The following RNF144B variants were observed in gnomAD, a reference collection of about 807,000 sequenced individuals.
RNF144B encodes the protein E3 ubiquitin-protein ligase RNF144B.
A neutral mutation model predicts 40.2 loss-of-function variants in RNF144B; 25 were observed. That is an observed-to-expected ratio of 0.62 (90% confidence interval 0.45 to 0.87). RNF144B has a LOEUF of 0.87. Ranked by LOEUF, RNF144B falls within the 40% of genes least tolerant of loss-of-function variation. The pLI is 0.00. For synonymous variants in RNF144B, 145 were observed against 136.3 expected (o/e 1.06, Z -0.44); for missense variants, 365 against 373.7 (o/e 0.98, Z 0.19).
rs1008413184 is a variant in RNF144B, at chr6:18,442,165, C to CT, written c.331+2425dup. Among the ~76,000 whole-genome samples the CT allele has an allele frequency of 1.1e-4, 17 of 152,296 alleles. No homozygotes were observed. Among genetic ancestry groups the CT allele is most frequent in the African/African-American group, 4.1e-4 (17 of 41,552 alleles). On this transcript the variant is annotated intron_variant, in intron 4 of 7. Coordinates refer to ENST00000259939, the MANE Select transcript of RNF144B (RefSeq NM_182757.4). This position sits in a 1 kb window ranked among gnomAD's most constrained non-coding sequence, Gnocchi z 4.3. ...CCCCAGATAGTGGTTGGCTTTTTGA[C>CT]TTTTCAGTAGTATTCAAACCTGCTT...
Position 18,463,333 on chromosome 6 carries a change from A to C in RNF144B, c.724A>C (p.Asn242His). The C allele has an allele frequency of 6.2e-7, 1 of 1,611,726 alleles. No homozygotes were observed. Among genetic ancestry groups the C allele is most frequent in the Non-Finnish European group, 8.5e-7 (1 of 1,177,772 alleles). The part of the protein sequence containing the change: ...LRHYDKGPCR[N>H]KLGHSRASVM... ...ACATTATGACAAAGGGCCATGCAGGAATAAACTTGGCCACTCAAGAGCATC... is the reference window on the plus strand; with the variant it reads ...ACATTATGACAAAGGGCCATGCAGGCATAAACTTGGCCACTCAAGAGCATC... Residue 242 changes from asparagine to histidine, a missense_variant, in exon 7 of 8, where the codon AAT (asparagine) becomes CAT (histidine). By Grantham distance (68) the Asn-to-His change is moderately conservative (BLOSUM62 1). Transcript: ENST00000259939.
chr6:18,449,712 T>TATATATATATATAC (rs1483972398), intron 4 of RNF144B, among the ~76,000 whole-genome samples: 3 of 151,794 alleles, frequency 2.0e-5, no homozygotes, highest in Admixed American at 2.0e-4. Flanking sequence ...TATATATATA[T>TATATATATATATAC]ACATTGTGGA....
intron 3 of RNF144B, among the ~76,000 whole-genome samples, chr6:18,433,462 A>G (rs986478469): frequency 5.9e-5 from 9 of 152,242 alleles, no homozygotes; most frequent in African/African-American, 2.2e-4. Flanking sequence ...GTTTCTAAGA[A>G]AATTCTTTAA....
intron 1 of RNF144B, 33 bp downstream of exon 1, chr6:18,387,663 C>G (rs1348664898): frequency 7.8e-7 from 1 of 1,286,832 alleles, no homozygotes; most frequent in Non-Finnish European, 1.0e-6. Context: ...AGGCTACAGG[C>G]GTTGCAAGAC....
chr6:18,388,698 A>C (rs971506571), intron 1 of RNF144B, among the ~76,000 whole-genome samples: 1 of 152,130 alleles, frequency 6.6e-6, no homozygotes, highest in Admixed American at 6.6e-5. Context: ...TGAGGGGGAG[A>C]AAAACCTATA....
At chr6:18,432,302 A>G (rs1442914318) in intron 3 of RNF144B, among the ~76,000 whole-genome samples, 1 of 152,160 alleles carries the variant, frequency 6.6e-6, no homozygotes, top group Admixed American at 6.5e-5. Flanking sequence ...CTTGTATAGG[A>G]AATGGTAGAA....
intron 2 of RNF144B, among the ~76,000 whole-genome samples, chr6:18,420,739 A>C (rs1421775059): frequency 6.6e-6 from 1 of 152,084 alleles, no homozygotes; most frequent in Non-Finnish European, 1.5e-5. Context: ...GCTATTGAGA[A>C]TCAGTCCATT....
Position 18,434,597 on chromosome 6 carries a change from C to T in RNF144B, c.271-5087C>T, listed in dbSNP as rs1756112027. ...GAAATGGAAAAGCAAAGACATTCAG[C>T]TGAGTAGGAACTGAGTGTTTTTGTT... is the stretch of plus-strand genomic sequence containing the variant. On this transcript the variant is annotated intron_variant, in intron 3 of 7. Transcript: ENST00000259939. The surrounding 1 kb of genome is among the most constrained non-coding windows in gnomAD (Gnocchi z 4.1). Among the ~76,000 whole-genome samples, 1 of 151,958 alleles carries T rather than the reference C, an allele frequency of 6.6e-6. No individual in the cohort carries two copies. Among genetic ancestry groups the T allele is most frequent in the African/African-American group, 2.4e-5 (1 of 41,368 alleles).
rs148933802 is a variant in RNF144B at position 18,443,365 on chromosome 6, C to A, written c.331+3621C>A. On this transcript the variant is annotated intron_variant, in intron 4 of 7. Transcript: ENST00000259939. This position sits in a 1 kb window ranked among gnomAD's most constrained non-coding sequence, Gnocchi z 4.7. ...GCAACTTCCGCCTCCTGGGTTCAAG[C>A]GATTCTCCTGCCTCAGCCTCCCGAG... 6.6e-6 allele frequency among the ~76,000 whole-genome samples: 1 copy of A among 152,018 alleles called. No individual in the cohort carries two copies. The highest frequency in any genetic ancestry group is 1.5e-5 in the Non-Finnish European group (1 of 68,002).
At chr6:18,387,727 A>C in intron 1 of RNF144B, 97 bp downstream of exon 1, 1 of 1,062,970 alleles carries the variant, frequency 9.4e-7, no homozygotes, top group Non-Finnish European at 1.2e-6. Context: ...CTGTGACACC[A>C]CAATTTTTCG....
Position 18,387,641 on chromosome 6 carries a change from C to A in RNF144B, c.-37+11C>A. On this transcript the variant is annotated intron_variant, in intron 1 of 7. Transcript: ENST00000259939. ...CAGGTCTGCTGCCAGGTAGGTTTAGCGAGCTTTTTAAAGGCTACAGGCGTT... is the reference window on the plus strand; with the variant it reads ...CAGGTCTGCTGCCAGGTAGGTTTAGAGAGCTTTTTAAAGGCTACAGGCGTT... 2 of 1,295,880 alleles carry A rather than the reference C, an allele frequency of 1.5e-6. No individual in the cohort carries two copies. The highest frequency in any genetic ancestry group is 2.0e-6 in the Non-Finnish European group (2 of 992,370). The allele number at this position is 1,295,880 out of a possible 1,614,324, so 80.3% of individuals were successfully genotyped here.
intron 1 of RNF144B, among the ~76,000 whole-genome samples, 165 bp from the exon 2 acceptor site, chr6:18,399,334 C>T (rs182462533): frequency 2.6e-5 from 4 of 152,226 alleles, no homozygotes; most frequent in South Asian, 2.1e-4. Flanking sequence ...GATACCTTGC[C>T]GAGGTAGGTG....
At position 18,447,980 on chromosome 6, in the gene RNF144B, AT is replaced by A. The variant is rs1759118681; in HGVS notation, c.331+8237del. Among the ~76,000 whole-genome samples the A allele has an allele frequency of 6.6e-6, 1 of 152,112 alleles. No homozygotes were observed. The highest frequency in any genetic ancestry group is 6.6e-5 in the Admixed American group (1 of 15,266). On this transcript the variant is annotated intron_variant, in intron 4 of 7. Transcript: ENST00000259939. The surrounding 1 kb of genome is among the most constrained non-coding windows in gnomAD (Gnocchi z 5.6). ...CCACTGGGTCCGAAGCTACTGACAG[AT>A]GAGGAGAGATATGGTCTGAGAGTTG...
chr6:18,440,075 A>G (rs547233292), intron 4 of RNF144B, among the ~76,000 whole-genome samples: 5 of 152,310 alleles, frequency 3.3e-5, no homozygotes, highest in African/African-American at 9.6e-5. Flanking sequence ...TTTTACCACT[A>G]ATTTTCGATT....
intron 4 of RNF144B, among the ~76,000 whole-genome samples, chr6:18,455,872 T>C (rs951849554): frequency 6.6e-6 from 1 of 152,224 alleles, no homozygotes; most frequent in Non-Finnish European, 1.5e-5. Context: ...CTCTGCCTTT[T>C]GTTTCTAGAA....
At chr6:18,461,660 T>C (rs544645514) in intron 6 of RNF144B, among the ~76,000 whole-genome samples, 1 of 152,348 alleles carries the variant, frequency 6.6e-6, no homozygotes, top group South Asian at 2.1e-4. Flanking sequence ...AGACTTCAAA[T>C]ATTGAAGCAT....
In RNF144B at chr6:18,441,358, G is replaced by T. The variant is rs1352187672; in HGVS notation, c.331+1614G>T. Among the ~76,000 whole-genome samples, 1 of 152,152 alleles carries T rather than the reference G, an allele frequency of 6.6e-6. No homozygotes were observed. The highest frequency in any genetic ancestry group is 1.5e-5 in the Non-Finnish European group (1 of 68,016). On this transcript the variant is annotated intron_variant, in intron 4 of 7. Coordinates refer to ENST00000259939, the MANE Select transcript of RNF144B (RefSeq NM_182757.4). This position sits in a 1 kb window ranked among gnomAD's most constrained non-coding sequence, Gnocchi z 4.9. ...CAGAGTTAGGTTGGATTTTCAGGCT[G>T]CTGCTTAAATGGTGAGATATGACAT...
chr6:18,422,036 C>T lies in RNF144B; in HGVS notation c.166-5545C>T, dbSNP rs575104969. Reference sequence around the variant, plus strand: ...GGGAGGTTGGTCACCTAAGTAATCTCATATTGGTGAAAAAGCCAAGGTATC... The same window carrying T: ...GGGAGGTTGGTCACCTAAGTAATCTTATATTGGTGAAAAAGCCAAGGTATC... On this transcript the variant is annotated intron_variant, in intron 2 of 7. Transcript: ENST00000259939. The surrounding 1 kb of genome is among the most constrained non-coding windows in gnomAD (Gnocchi z 4.7). 3.9e-5 allele frequency among the ~76,000 whole-genome samples: 6 copies of T among 152,248 alleles called. No homozygotes were observed. The highest frequency in any genetic ancestry group is 1.4e-4 in the African/African-American group (6 of 41,542).
intron 1 of RNF144B, among the ~76,000 whole-genome samples, chr6:18,393,330 G>C (rs1357695815): frequency 6.6e-6 from 1 of 152,158 alleles, no homozygotes; most frequent in African/African-American, 2.4e-5. Flanking sequence ...CAAGCGGAGA[G>C]TAGAGCTACA....
Sources: gnomAD v4.1 joint callset for allele counts (sites outside exome capture counted in the v4.1 genomes callset) on GRCh38, gnomAD v4.1.1 for gene constraint, Gnocchi (gnomAD v3.1) non-coding constraint, MANE v1.5 for transcripts, NCBI Gene and HGNC (gene_info 2026-07-23, HGNC 2026-07-21) for gene names.